Variants in COL4A6 observed in about 807,000 individuals in gnomAD.
COL4A6 encodes collagen alpha-6(IV) chain.
A neutral mutation model predicts 126.7 loss-of-function variants in COL4A6; 59 were observed. The observed-to-expected ratio is 0.47, with a 90% CI of 0.38 to 0.58. The LOEUF (loss-of-function observed/expected upper bound fraction) is 0.58, where lower values mean the gene tolerates loss of function less well. Ranked by LOEUF, COL4A6 falls within the 20% of genes least tolerant of loss-of-function variation. The probability of loss-of-function intolerance (pLI) is 0.00; values close to 1 mark genes in which losing one functional copy is unlikely to be tolerated. For synonymous variants in COL4A6, 547 were observed against 496.6 expected (o/e 1.10, Z -1.35); for missense variants, 1,285 against 1,337.3 (o/e 0.96, Z 0.61).
chrX:108,204,843 A>G (rs993561159), intron 11 of COL4A6, among the ~76,000 whole-genome samples: 7 of 111,414 alleles, frequency 6.3e-5, no homozygotes, highest in African/African-American at 1.3e-4. Context: ...AAGGCAGTGC[A>G]ATTGTAACAG....
At chrX:108,368,005 A>AT (rs1357311160) in intron 2 of COL4A6, among the ~76,000 whole-genome samples, 7 of 110,748 alleles carry the variant, frequency 6.3e-5, no homozygotes, top group African/African-American at 2.3e-4. Flanking sequence ...GGTCCATGAG[A>AT]ACAGAAACTT....
intron 2 of COL4A6, among the ~76,000 whole-genome samples, chrX:108,360,737 T>C (rs984134421): frequency 5.6e-4 from 61 of 109,886 alleles, no homozygotes; most frequent in African/African-American, 2.0e-3. Flanking sequence ...AGGTTTTCAC[T>C]ATGTTGGCCA....
chrX:108,388,203 T>A (rs2040745951), intron 2 of COL4A6, among the ~76,000 whole-genome samples: 1 of 111,650 alleles, frequency 9.0e-6, no homozygotes, highest in East Asian at 2.8e-4. Flanking sequence ...TCCGCCAGGT[T>A]TTGGTATCAG....
At chrX:108,196,709 T>C (rs2148177280) in intron 13 of COL4A6, 130 bp from the exon 14 acceptor site, 2 of 489,421 alleles carry the variant, frequency 4.1e-6, no homozygotes. Flanking sequence ...TGCTGTCTCT[T>C]GTCACTGCCT....
chrX:108,195,757 G>A (rs1204345919), intron 14 of COL4A6, among the ~76,000 whole-genome samples: 1 of 111,724 alleles, frequency 9.0e-6, no homozygotes, highest in South Asian at 3.8e-4. Context: ...GGAGGGCCTC[G>A]TCTTCCACCT....
chrX:108,364,348 A>G (rs2040151415), intron 2 of COL4A6, among the ~76,000 whole-genome samples: 1 of 110,313 alleles, frequency 9.1e-6, no homozygotes, highest in Non-Finnish European at 1.9e-5. Context: ...TAATGAAAGG[A>G]AAAAAACCAA....
chrX:108,304,466 T>A (rs768766280), intron 3 of COL4A6, among the ~76,000 whole-genome samples: 1 of 111,318 alleles, frequency 9.0e-6, no homozygotes, highest in East Asian at 2.8e-4. Context: ...CAGACGTTAC[T>A]TCCCCCCTCC....
Position 108,178,614 on chromosome X carries a change from C to A in COL4A6, c.2515+70G>T. On this transcript the variant is annotated intron_variant, in intron 27 of 44. Coordinates refer to ENST00000334504, the MANE Select transcript of COL4A6 (RefSeq NM_033641.4). ...CCATGTCCCACTACTGCTATTGCCC[C>A]CCCAGGGCATCTGGGCCCAGGGCCT... The A allele has an allele frequency of 2.8e-6, 3 of 1,081,331 alleles. No homozygotes were observed. The African/African-American group carries it at 5.4e-5, about 20-fold the overall frequency. The allele number at this position is 1,081,331 out of a possible 1,213,427, so 89.1% of individuals were successfully genotyped here. A position where few individuals can be genotyped will look rare whatever the true frequency, so the allele number is the denominator to read the frequency against.
At chrX:108,353,325 T>C (rs1000265995) in intron 2 of COL4A6, among the ~76,000 whole-genome samples, 1 of 112,560 alleles carries the variant, frequency 8.9e-6, no homozygotes, top group African/African-American at 3.2e-5. Flanking sequence ...AGCTTCAGTA[T>C]ACAGAACACC....
At chrX:108,211,814 T>G in intron 6 of COL4A6, 74 bp from the exon 7 acceptor site, 62 of 960,439 alleles carry the variant, frequency 6.5e-5, no homozygotes, top group Non-Finnish European at 8.0e-5. Context: ...TCTGATCAGA[T>G]AGAGGATGGG....
At chrX:108,437,848 A>C in intron 2 of COL4A6, 94 bp downstream of exon 2, 1 of 1,004,807 alleles carries the variant, frequency 1.0e-6, no homozygotes, top group South Asian at 2.0e-5. Flanking sequence ...CTCGTGGTGA[A>C]ACTCTCTGCA....
chrX:108,291,082 G>T (rs1846685329), intron 3 of COL4A6, among the ~76,000 whole-genome samples: 1 of 111,768 alleles, frequency 8.9e-6, no homozygotes, highest in African/African-American at 3.3e-5. Flanking sequence ...ACTCTAGTTG[G>T]GTCTGCCCTC....
chrX:108,333,158 G>A (rs1603106712), intron 2 of COL4A6, among the ~76,000 whole-genome samples: 1 of 110,527 alleles, frequency 9.0e-6, no homozygotes, highest in East Asian at 2.9e-4. Flanking sequence ...CTTTCCTTCT[G>A]GGTTCTCTAT....
chrX:108,416,478 A>G (rs747277740), intron 2 of COL4A6, among the ~76,000 whole-genome samples: 1 of 112,278 alleles, frequency 8.9e-6, no homozygotes, highest in African/African-American at 3.2e-5. Flanking sequence ...TTTTTCACTA[A>G]TGTGGAAATT....
chrX:108,192,968 A>T (rs2148163429), intron 17 of COL4A6, among the ~76,000 whole-genome samples: 1 of 112,485 alleles, frequency 8.9e-6, no homozygotes, highest in East Asian at 2.8e-4. Context: ...GTCAAATATT[A>T]ATACCAAACA....
chrX:108,338,373 G>C (rs1170673235), intron 2 of COL4A6, among the ~76,000 whole-genome samples: 1 of 111,820 alleles, frequency 8.9e-6, no homozygotes, highest in Non-Finnish European at 1.9e-5. Flanking sequence ...TACATGAGAT[G>C]GAAAAAAGTA....
At chrX:108,392,281 C>G (rs907843225) in intron 2 of COL4A6, among the ~76,000 whole-genome samples, 1 of 111,153 alleles carries the variant, frequency 9.0e-6, no homozygotes, top group African/African-American at 3.3e-5. Context: ...TATAATTAAA[C>G]ATTTTCATAC....
intron 28 of COL4A6, among the ~76,000 whole-genome samples, chrX:108,176,125 G>A (rs2034479436): frequency 2.7e-5 from 3 of 109,771 alleles, no homozygotes; most frequent in African/African-American, 1.0e-4. Context: ...AGGAGTTCGA[G>A]ACCAGCCTGG....
chrX:108,409,168 C>T (rs2041276522), intron 2 of COL4A6, among the ~76,000 whole-genome samples: 1 of 111,163 alleles, frequency 9.0e-6, no homozygotes, highest in African/African-American at 3.3e-5. Flanking sequence ...TAGCTGATAA[C>T]TTTGTGGTTG....
Sources: gnomAD v4.1 joint callset for allele counts (sites outside exome capture counted in the v4.1 genomes callset) on GRCh38, gnomAD v4.1.1 for gene constraint, MANE v1.5 for transcripts, NCBI Gene and HGNC (gene_info 2026-07-23, HGNC 2026-07-21) for gene names.